KIRREL1: variants seen among roughly 807,000 people sequenced by gnomAD.
KIRREL1 encodes kirre like nephrin family adhesion molecule 1.
Under a neutral mutation model 83.3 loss-of-function variants are expected in KIRREL1, and 25 were observed. The ratio of observed to expected loss-of-function variants is 0.30; its 90% CI spans 0.22 to 0.42. The LOEUF (loss-of-function observed/expected upper bound fraction) is 0.42, where lower values mean the gene tolerates loss of function less well. Among genes scored for constraint, KIRREL1 ranks in the 10% least tolerant of loss-of-function variants. KIRREL1 has a pLI of 1.00. For synonymous variants in KIRREL1, 388 were observed against 410.4 expected (o/e 0.95, Z 0.66); for missense variants, 812 against 1,032.3 (o/e 0.79, Z 2.92).
At chr1:158,071,358 G>A (rs1661510999) in intron 1 of KIRREL1, among the ~76,000 whole-genome samples, 1 of 151,882 alleles carries the variant, frequency 6.6e-6, no homozygotes, top group South Asian at 2.1e-4. Context: ...GTGAGTGCGT[G>A]TGAGTATGTG....
intron 1 of KIRREL1, among the ~76,000 whole-genome samples, chr1:158,006,710 G>A (rs980770511): frequency 6.6e-6 from 1 of 152,178 alleles, no homozygotes; most frequent in Non-Finnish European, 1.5e-5. Context: ...GCTGGGGGCT[G>A]GAGGACTCTG....
At chr1:158,088,745 A>G (rs1169405895) in intron 8 of KIRREL1, among the ~76,000 whole-genome samples, 4 of 151,740 alleles carry the variant, frequency 2.6e-5, no homozygotes, top group Non-Finnish European at 4.4e-5. Flanking sequence ...CGGCCTCCCA[A>G]AGTGCTGGGA....
intron 8 of KIRREL1, among the ~76,000 whole-genome samples, chr1:158,088,922 A>G (rs892391463): frequency 2.6e-5 from 4 of 151,828 alleles, no homozygotes; most frequent in African/African-American, 9.7e-5. Context: ...GGTTATCCCC[A>G]CATCTTCTCA....
At chr1:158,063,749 C>G (rs1240591146) in intron 1 of KIRREL1, among the ~76,000 whole-genome samples, 1 of 152,228 alleles carries the variant, frequency 6.6e-6, no homozygotes, top group African/African-American at 2.4e-5. Flanking sequence ...TCTCTCTCTG[C>G]TTACCAGGAA....
chr1:158,095,044 C>G lies in KIRREL1; in HGVS notation c.2198C>G (p.Ala733Gly). The G allele has an allele frequency of 6.2e-7, 1 of 1,613,692 alleles. No individual in the cohort carries two copies. Among genetic ancestry groups the G allele is most frequent in the East Asian group, 2.2e-5 (1 of 44,868 alleles). ...AYDPIGKYAT[A>G]TRFSYTSQHS... ...GACCCCATTGGCAAGTACGCCACAG[C>G]CACTCGATTCTCCTACACCTCCCAG... is the stretch of plus-strand genomic sequence containing the variant. Residue 733 changes from alanine to glycine, a missense_variant, in exon 15 of 15, where the codon GCC becomes GGC. Transcript: ENST00000359209.
At chr1:158,036,711 C>G (rs2101681112) in intron 1 of KIRREL1, among the ~76,000 whole-genome samples, 1 of 152,286 alleles carries the variant, frequency 6.6e-6, no homozygotes, top group East Asian at 1.9e-4. Context: ...CTGATGTCCT[C>G]CAGTCTACAG....
At chr1:158,014,638 C>T (rs1055169477) in intron 1 of KIRREL1, among the ~76,000 whole-genome samples, 12 of 116,324 alleles carry the variant, frequency 1.0e-4, no homozygotes, top group South Asian at 2.9e-4. Flanking sequence ...CGACACTGGG[C>T]GAGCTTTCTC....
rs376940730 is a variant in KIRREL1, at chr1:158,095,037, G to A, written c.2191G>A (p.Ala731Thr). The stretch of plus-strand genomic sequence containing the variant: ...GGCGTATGACCCCATTGGCAAGTAC[G>A]CCACAGCCACTCGATTCTCCTACAC... ...YEAYDPIGKY[A>T]TATRFSYTSQ... Residue 731 changes from alanine to threonine, a missense_variant, in exon 15 of 15, where the codon GCC becomes ACC. Ala to Thr is a moderately conservative substitution (Grantham distance 58). Coordinates refer to ENST00000359209, the MANE Select transcript of KIRREL1 (RefSeq NM_018240.7). 223 of 1,613,448 alleles carry A rather than the reference G, an allele frequency of 1.4e-4. No individual in the cohort carries two copies. The highest frequency in any genetic ancestry group is 1.8e-4 in the Non-Finnish European group (213 of 1,179,798).
chr1:158,076,174 C>T lies in KIRREL1; in HGVS notation c.114C>T (p.Ala38=), dbSNP rs557900518. 2.8e-5 allele frequency: 46 copies of T among 1,614,160 alleles called. No individual in the cohort carries two copies. In the African/African-American group the frequency reaches 3.3e-4, roughly 12 times the overall value. Residue 38 remains alanine (A), a synonymous_variant, in exon 2 of 15, where the codon GCC becomes GCT. Coordinates refer to ENST00000359209, the MANE Select transcript of KIRREL1 (RefSeq NM_018240.7). ...ADQTVVAGQR[A]VLPCVLLNYS... ...AGACGGTGGTGGCTGGACAGCGGGC[C>T]GTGCTCCCCTGTGTGCTGCTCAACT...
chr1:158,043,794 A>G (rs1454046584), intron 1 of KIRREL1, among the ~76,000 whole-genome samples: 5 of 152,240 alleles, frequency 3.3e-5, no homozygotes, highest in South Asian at 4.2e-4. Context: ...GGGCTGTGCC[A>G]TGGCAGGGAG....
At chr1:157,995,646 G>A (rs1442248935) in intron 1 of KIRREL1, among the ~76,000 whole-genome samples, 1 of 152,172 alleles carries the variant, frequency 6.6e-6, no homozygotes, top group Non-Finnish European at 1.5e-5. Context: ...TTAGCAAACA[G>A]GAGAGACATG....
chr1:158,092,441 G>A (rs533644590), intron 11 of KIRREL1, among the ~76,000 whole-genome samples: 3 of 145,978 alleles, frequency 2.1e-5, no homozygotes, highest in South Asian at 4.4e-4. Context: ...TGTGCCTTCC[G>A]GGTTCAAATG....
intron 1 of KIRREL1, among the ~76,000 whole-genome samples, chr1:158,056,981 T>G (rs756878863): frequency 6.6e-6 from 1 of 152,178 alleles, no homozygotes; most frequent in Non-Finnish European, 1.5e-5. Context: ...TCCCATCTCC[T>G]TCTTCCAAAC....
intron 1 of KIRREL1, among the ~76,000 whole-genome samples, chr1:158,017,322 A>G (rs997052453): frequency 1.3e-5 from 2 of 149,812 alleles, no homozygotes; most frequent in African/African-American, 4.9e-5. Flanking sequence ...TACCCTCTTT[A>G]CCTTTCCCTC....
intron 1 of KIRREL1, among the ~76,000 whole-genome samples, chr1:158,067,794 C>T (rs1480835920): frequency 6.6e-6 from 1 of 152,194 alleles, no homozygotes; most frequent in African/African-American, 2.4e-5. Flanking sequence ...GGTGACTAAT[C>T]CACAGGCCCA....
chr1:158,078,667 T>G (rs1661756559), intron 3 of KIRREL1, among the ~76,000 whole-genome samples: 1 of 142,984 alleles, frequency 7.0e-6, no homozygotes, highest in Non-Finnish European at 1.5e-5. Context: ...CAAATTCACC[T>G]GGGGGCCTCC....
chr1:158,050,075 G>C (rs1436697270), intron 1 of KIRREL1, among the ~76,000 whole-genome samples: 1 of 152,192 alleles, frequency 6.6e-6, no homozygotes, highest in Non-Finnish European at 1.5e-5. Context: ...GTGTCTGGAA[G>C]TGGAGACTGG....
At chr1:158,054,995 T>C (rs984055790) in intron 1 of KIRREL1, among the ~76,000 whole-genome samples, 3 of 152,112 alleles carry the variant, frequency 2.0e-5, no homozygotes, top group Non-Finnish European at 4.4e-5. Context: ...ACTCATTTCT[T>C]TGGGCTTTCT....
In KIRREL1 at chr1:158,086,759, G is replaced by C. The variant is rs41273463; in HGVS notation, c.661+13G>C. On this transcript the variant is annotated intron_variant, in intron 5 of 14. Transcript: ENST00000359209. The stretch of plus-strand genomic sequence containing the variant: ...CTGGATGTGCACCGTGAGTGGGCTG[G>C]GGGGAGCAGTCTGGAGCAGGGGGGT... 246,754 of 1,549,988 alleles carry C rather than the reference G, an allele frequency of 0.16. 20,668 individuals carry two copies. Among genetic ancestry groups the C allele is most frequent in the African/African-American group, 0.26 (19,309 of 72,942 alleles).
Sources: allele counts gnomAD v4.1 joint callset (sites outside exome capture counted in the v4.1 genomes callset), GRCh38; gene constraint gnomAD v4.1.1; transcripts MANE v1.5; gene names NCBI Gene and HGNC (gene_info 2026-07-23, HGNC 2026-07-21).